Variants in GTF2F2 observed in about 807,000 individuals in gnomAD.
The protein encoded by GTF2F2 is general transcription factor IIF subunit 2.
In GTF2F2, 23 loss-of-function variants were observed where a neutral mutation model predicts 42.2. That is an observed-to-expected ratio of 0.55 (90% CI 0.39 to 0.77). The LOEUF is 0.77. Among genes scored for constraint, GTF2F2 ranks in the 30% least tolerant of loss-of-function variants. The pLI is 0.00. For missense variants in GTF2F2, 261 were observed against 287.2 expected, an observed-to-expected ratio of 0.91 and a Z score of 0.66; for synonymous variants, 105 against 100.8, an observed-to-expected ratio of 1.04 and a Z score of -0.25.
intron 7 of GTF2F2, among the ~76,000 whole-genome samples, chr13:45,275,980 T>A (rs892109536): frequency 6.6e-6 from 1 of 152,222 alleles, no homozygotes; most frequent in South Asian, 2.1e-4. Context: ...ATACATAACC[T>A]ACATGCATCC....
chr13:45,254,190 CT>C (rs1876000797), intron 6 of GTF2F2, among the ~76,000 whole-genome samples: 1 of 151,452 alleles, frequency 6.6e-6, no homozygotes. Context: ...TAGGGTTATT[CT>C]ATTTTATTAT....
At chr13:45,278,813 T>C (rs2138277910) in intron 7 of GTF2F2, among the ~76,000 whole-genome samples, 1 of 140,656 alleles carries the variant, frequency 7.1e-6, no homozygotes, top group South Asian at 2.2e-4. Context: ...CCTTTTTCTT[T>C]TTCTTTTTTT....
chr13:45,267,263 G>A lies in GTF2F2; in HGVS notation c.517G>A (p.Gly173Arg). The A allele has an allele frequency of 2.5e-6, 4 of 1,612,934 alleles. No homozygotes were observed. Among genetic ancestry groups the A allele is most frequent in the Non-Finnish European group, 3.4e-6 (4 of 1,179,284 alleles). Residue 173 changes from glycine to arginine, a missense_variant, in exon 7 of 8, where the codon GGA (glycine) becomes AGA (arginine). Physicochemically the swap from Gly to Arg is moderately radical, Grantham distance 125. Transcript: ENST00000340473. ...IEYERKKKED[G>R]KRARADKQHV... ...ATATGAAAGGAAAAAGAAAGAAGACGGAAAGCGAGCTCGAGCTGATAAACA... is the reference window on the plus strand; with the variant it reads ...ATATGAAAGGAAAAAGAAAGAAGACAGAAAGCGAGCTCGAGCTGATAAACA...
chr13:45,215,382 G>T (rs1292775815), intron 5 of GTF2F2, among the ~76,000 whole-genome samples: 1 of 152,302 alleles, frequency 6.6e-6, no homozygotes, highest in East Asian at 1.9e-4. Flanking sequence ...TTTTATAAAT[G>T]GTTGTAATAA....
intron 5 of GTF2F2, among the ~76,000 whole-genome samples, chr13:45,243,011 A>G (rs765316272): frequency 5.3e-5 from 8 of 152,206 alleles, no homozygotes; most frequent in Non-Finnish European, 8.8e-5. Context: ...TTTTCAGAAT[A>G]TACACAGTAA....
At chr13:45,264,208 A>G (rs201936507) in intron 6 of GTF2F2, among the ~76,000 whole-genome samples, 8,059 of 152,054 alleles carry the variant, frequency 0.053, 325 homozygotes, top group Non-Finnish European at 0.085. Flanking sequence ...GAAAGCACCA[A>G]CATTAACTTC....
At chr13:45,175,699 T>G (rs911930589) in intron 4 of GTF2F2, among the ~76,000 whole-genome samples, 6 of 152,212 alleles carry the variant, frequency 3.9e-5, no homozygotes, top group South Asian at 4.1e-4. Flanking sequence ...CTCGGCTCAC[T>G]GCAACCTCTG....
At chr13:45,211,314 G>A (rs1043243471) in intron 5 of GTF2F2, among the ~76,000 whole-genome samples, 1 of 149,810 alleles carries the variant, frequency 6.7e-6, no homozygotes, top group Admixed American at 6.7e-5. Context: ...TTTAAGTCAT[G>A]AATTATTTTA....
chr13:45,161,561 G>A (rs767591268), intron 4 of GTF2F2, among the ~76,000 whole-genome samples: 15 of 152,184 alleles, frequency 9.9e-5, no homozygotes, highest in Non-Finnish European at 1.9e-4. Context: ...GAATACAGGG[G>A]CCGGGCACCG....
chr13:45,236,490 TACACACACACACACACAC>T (rs3047056), intron 5 of GTF2F2, among the ~76,000 whole-genome samples: 42 of 142,036 alleles, frequency 3.0e-4, no homozygotes, highest in African/African-American at 6.5e-4. Flanking sequence ...CCGCCACACA[TACACACACACACACACAC>T]ACACACACAC....
rs760417060 is a variant in GTF2F2 at position 45,194,417 on chromosome 13, G to A, written c.305-13007G>A. 2.0e-5 allele frequency: 33 copies of A among 1,614,088 alleles called. No individual in the cohort carries two copies. The East Asian group carries it at 6.7e-4, about 33-fold the overall frequency. ...AGGAAAGTGTCTGGGTACTTGGTCA[G>A]TGTTTGTTTTTGAGTAATGTATAAA... is the stretch of plus-strand genomic sequence containing the variant. On this transcript the variant is annotated intron_variant, in intron 4 of 7. Coordinates refer to ENST00000340473, the MANE Select transcript of GTF2F2 (RefSeq NM_004128.3).
At chr13:45,139,674 A>G (rs1869824593) in intron 2 of GTF2F2, among the ~76,000 whole-genome samples, 1 of 152,132 alleles carries the variant, frequency 6.6e-6, no homozygotes, top group Non-Finnish European at 1.5e-5. Flanking sequence ...TACTATACCC[A>G]TCTGACATAC....
At chr13:45,270,209 A>G (rs1876732062) in intron 7 of GTF2F2, among the ~76,000 whole-genome samples, 2 of 152,154 alleles carry the variant, frequency 1.3e-5, no homozygotes, top group Admixed American at 6.5e-5. Flanking sequence ...GTTTGCCAGT[A>G]TGTGACTTAC....
chr13:45,124,456 G>A (rs1321585526), intron 1 of GTF2F2, among the ~76,000 whole-genome samples: 1 of 151,548 alleles, frequency 6.6e-6, no homozygotes, highest in Non-Finnish European at 1.5e-5. Context: ...CAGCACTTTG[G>A]GAGGCCGAGG....
rs1163486037 is a variant in GTF2F2 at position 45,284,662 on chromosome 13, A to G, written c.*1101A>G. 2 of 152,194 alleles carry G rather than the reference A, an allele frequency of 1.3e-5. No homozygotes were observed. The highest frequency in any genetic ancestry group is 3.8e-4 in the East Asian group (2 of 5,200). The allele number at this position is 152,194 out of a possible 1,614,324, so 9.4% of individuals were successfully genotyped here. ...AGAAGTAGCAAATGCCCAAGTTGCC[A>G]TAGTGTTTGCAGGAAAAAAAGAGAA... On this transcript the variant is annotated 3_prime_UTR_variant, in exon 8 of 8. Coordinates refer to ENST00000340473, the MANE Select transcript of GTF2F2 (RefSeq NM_004128.3).
intron 1 of GTF2F2, among the ~76,000 whole-genome samples, chr13:45,121,325 G>A (rs1868621425): frequency 6.6e-6 from 1 of 152,212 alleles, no homozygotes; most frequent in African/African-American, 2.4e-5. Flanking sequence ...ATTTTGGTTA[G>A]CTCACAGTAA....
chr13:45,223,262 T>TCAAAA (rs1352751648), intron 5 of GTF2F2, among the ~76,000 whole-genome samples: 1 of 96,318 alleles, frequency 1.0e-5, no homozygotes, highest in Non-Finnish European at 2.1e-5. Context: ...CTTGTCTCAA[T>TCAAAA]AAAAAAAAAA....
At chr13:45,207,201 A>G (rs8002996) in intron 4 of GTF2F2, 90,912 of 455,452 alleles carry the variant, frequency 0.2, 10,161 homozygotes, top group African/African-American at 0.26. Context: ...GCAAAGGGCC[A>G]CAGCAGCCTA....
At chr13:45,191,734 T>C (rs1872665713) in intron 4 of GTF2F2, among the ~76,000 whole-genome samples, 1 of 152,164 alleles carries the variant, frequency 6.6e-6, no homozygotes, top group Non-Finnish European at 1.5e-5. Flanking sequence ...CTAAATTGTT[T>C]TAGAACATTG....
Sources: gnomAD v4.1 joint callset for allele counts (sites outside exome capture counted in the v4.1 genomes callset) on GRCh38, gnomAD v4.1.1 for gene constraint, MANE v1.5 for transcripts, NCBI Gene and HGNC (gene_info 2026-07-23, HGNC 2026-07-21) for gene names.